Variants in PCDH17 observed in about 807,000 individuals in gnomAD.
PCDH17 encodes the protein protocadherin-17.
PCDH17 carries 21 observed loss-of-function variants against 67.7 expected under a neutral mutation model. That is an observed-to-expected ratio of 0.31 (90% CI 0.22 to 0.45). The LOEUF is 0.45. Among genes scored for constraint, PCDH17 ranks in the 20% least tolerant of loss-of-function variants. The pLI is 1.00. For synonymous variants in PCDH17, 701 were observed against 656.7 expected (o/e 1.07, Z -1.03); for missense variants, 1,471 against 1,564.8 (o/e 0.94, Z 1.01).
chr13:57,719,264 A>T (rs1955852339), intron 3 of PCDH17, among the ~76,000 whole-genome samples: 1 of 152,060 alleles, frequency 6.6e-6, no homozygotes, highest in Admixed American at 6.6e-5. Flanking sequence ...AGGAGAACAC[A>T]ATTTCTATTT....
At chr13:57,681,047 G>T (rs190732999) in intron 3 of PCDH17, among the ~76,000 whole-genome samples, 1 of 151,674 alleles carries the variant, frequency 6.6e-6, no homozygotes, top group African/African-American at 2.4e-5. Flanking sequence ...GCAAGCAAGT[G>T]CTTTTAAACA....
At chr13:57,644,154 C>T (rs1366741125) in intron 1 of PCDH17, among the ~76,000 whole-genome samples, 1 of 151,588 alleles carries the variant, frequency 6.6e-6, no homozygotes, top group Non-Finnish European at 1.5e-5. Context: ...AGCTAAGTTT[C>T]CAGGTTCCAA....
At chr13:57,694,752 A>G (rs911202038) in intron 3 of PCDH17, among the ~76,000 whole-genome samples, 1 of 151,208 alleles carries the variant, frequency 6.6e-6, no homozygotes. Context: ...AACCAAAAAA[A>G]CAGTTACAGT....
In PCDH17 at chr13:57,682,551, A is replaced by T. The variant is rs571682203; in HGVS notation, c.2797+15718A>T. ...ACCCCTGCTAGCTCACTCTACAACC[A>T]GCCATTGAGGCATTTTCTTCTTTTC... is the stretch of plus-strand genomic sequence containing the variant. On this transcript the variant is annotated intron_variant, in intron 3 of 3. Transcript: ENST00000377918. Among the ~76,000 whole-genome samples the T allele has an allele frequency of 2.6e-5, 4 of 151,928 alleles. No homozygotes were observed. The South Asian group carries it at 8.3e-4, about 31-fold the overall frequency.
At chr13:57,646,095 C>T (rs1468127035) in intron 1 of PCDH17, among the ~76,000 whole-genome samples, 3 of 151,254 alleles carry the variant, frequency 2.0e-5, no homozygotes, top group Admixed American at 2.0e-4. Context: ...ATTGCTTGGG[C>T]ACAGATCATC....
Position 57,725,358 on chromosome 13 carries a change from T to G in PCDH17, c.*64T>G. On this transcript the variant is annotated 3_prime_UTR_variant, in exon 4 of 4. Transcript: ENST00000377918. The stretch of plus-strand genomic sequence containing the variant: ...CTTCTGTTGATTTAAAAATGATCCC[T>G]CCTGGTGATAACCCATTTTACAGGG... 1 of 1,427,658 alleles carries G rather than the reference T, an allele frequency of 7.0e-7. No individual in the cohort carries two copies. Among genetic ancestry groups the G allele is most frequent in the South Asian group, 1.4e-5 (1 of 73,924 alleles). The allele number at this position is 1,427,658 out of a possible 1,614,324, so 88.4% of individuals were successfully genotyped here. A position where few individuals can be genotyped will look rare whatever the true frequency, so the allele number is the denominator to read the frequency against.
At chr13:57,648,898 T>C (rs572506493) in intron 1 of PCDH17, among the ~76,000 whole-genome samples, 17 of 152,168 alleles carry the variant, frequency 1.1e-4, no homozygotes, top group African/African-American at 3.9e-4. Flanking sequence ...CCATATAATC[T>C]TTCTAGGATA....
At chr13:57,722,335 CA>C (rs1955878080) in intron 3 of PCDH17, among the ~76,000 whole-genome samples, 2 of 152,054 alleles carry the variant, frequency 1.3e-5, no homozygotes, top group Admixed American at 6.6e-5. Flanking sequence ...TAGCATATTT[CA>C]AAGACAGTGT....
chr13:57,664,595 T>C (rs987329796), intron 1 of PCDH17, among the ~76,000 whole-genome samples: 2 of 152,174 alleles, frequency 1.3e-5, no homozygotes, highest in African/African-American at 4.8e-5. Flanking sequence ...AGACTACTTA[T>C]AATAGTGCTT....
chr13:57,680,421 G>A (rs540247340), intron 3 of PCDH17, among the ~76,000 whole-genome samples: 3 of 151,658 alleles, frequency 2.0e-5, no homozygotes, highest in African/African-American at 7.2e-5. Flanking sequence ...TTATTGGAGT[G>A]TAGGGTTATC....
At chr13:57,683,476 A>G (rs1955477519) in intron 3 of PCDH17, among the ~76,000 whole-genome samples, 1 of 151,880 alleles carries the variant, frequency 6.6e-6, no homozygotes, top group Non-Finnish European at 1.5e-5. Context: ...AGATGCTCAG[A>G]ATATAATGTA....
chr13:57,681,416 G>T (rs915151040), intron 3 of PCDH17, among the ~76,000 whole-genome samples: 8 of 151,734 alleles, frequency 5.3e-5, no homozygotes, highest in Non-Finnish European at 8.8e-5. Flanking sequence ...TTATTTATTA[G>T]TATTATTCTT....
chr13:57,683,778 C>A (rs1435657259), intron 3 of PCDH17, among the ~76,000 whole-genome samples: 1 of 151,670 alleles, frequency 6.6e-6, no homozygotes, highest in African/African-American at 2.4e-5. Flanking sequence ...ATTTGAATAC[C>A]CAGATAGTAG....
At chr13:57,637,304 T>C (rs1954836278) in intron 1 of PCDH17, among the ~76,000 whole-genome samples, 2 of 152,250 alleles carry the variant, frequency 1.3e-5, no homozygotes, top group East Asian at 3.9e-4. Context: ...GTTTAAACTT[T>C]TTTTTAATTC....
At chr13:57,724,339 A>G (rs1228639536) in intron 3 of PCDH17, among the ~76,000 whole-genome samples, 1 of 152,198 alleles carries the variant, frequency 6.6e-6, no homozygotes, top group African/African-American at 2.4e-5. Flanking sequence ...GTGATGCTCT[A>G]TTCTACTGAG....
At chr13:57,640,958 A>T (rs1031255532) in intron 1 of PCDH17, among the ~76,000 whole-genome samples, 4 of 152,032 alleles carry the variant, frequency 2.6e-5, no homozygotes, top group Non-Finnish European at 4.4e-5. Context: ...TGTTTAATAA[A>T]TCCCATAGGG....
rs1017512911 is a variant in PCDH17 at position 57,727,780 on chromosome 13, A to T, written c.*2486A>T. 6.6e-6 allele frequency: 1 copy of T among 152,142 alleles called. No homozygotes were observed. Among genetic ancestry groups the T allele is most frequent in the Non-Finnish European group, 1.5e-5 (1 of 67,984 alleles). 9.4% of individuals were successfully genotyped at this position (152,142 alleles called of 1,614,324 possible). A position where few individuals can be genotyped will look rare whatever the true frequency, so the allele number is the denominator to read the frequency against. On this transcript the variant is annotated 3_prime_UTR_variant, in exon 4 of 4. Transcript: ENST00000377918. ...GATTTAGCTTGATAGCTGAAATTTG[A>T]TGGAAAACTGATTTCCATTTAGTCT...
chr13:57,720,306 A>T (rs896026613), intron 3 of PCDH17, among the ~76,000 whole-genome samples: 4 of 152,008 alleles, frequency 2.6e-5, no homozygotes, highest in African/African-American at 9.7e-5. Flanking sequence ...GAAATTCTAA[A>T]ATCAGAGACA....
upstream of PCDH17, among the ~76,000 whole-genome samples, chr13:57,630,920 A>G (rs1954711101): frequency 6.6e-6 from 1 of 152,128 alleles, no homozygotes; most frequent in Admixed American, 6.5e-5. Context: ...GCGCCTCCAG[A>G]ACCCGAAATA....
Sources: gnomAD v4.1 joint callset for allele counts (sites outside exome capture counted in the v4.1 genomes callset) on GRCh38, gnomAD v4.1.1 for gene constraint, MANE v1.5 for transcripts, NCBI Gene and HGNC (gene_info 2026-07-23, HGNC 2026-07-21) for gene names.